Variants in CLDN16 observed in about 807,000 individuals in gnomAD.
The protein encoded by CLDN16 is claudin-16.
Under a neutral mutation model 24.6 loss-of-function variants are expected in CLDN16, and 13 were observed. That is an observed-to-expected ratio of 0.53 (90% CI 0.34 to 0.84). The LOEUF (loss-of-function observed/expected upper bound fraction) is 0.84, where lower values mean the gene tolerates loss of function less well. Among genes scored for constraint, CLDN16 ranks in the 40% least tolerant of loss-of-function variants. The pLI, the probability that CLDN16 is intolerant of heterozygous loss-of-function variation, is 0.01. For synonymous variants in CLDN16, 116 were observed against 106.7 expected (o/e 1.09, Z -0.54); for missense variants, 298 against 292.7 (o/e 1.02, Z -0.13).
chr3:190,295,453 C>T, the CLDN16 span, among the ~76,000 whole-genome samples: 2 of 152,264 alleles, frequency 1.3e-5, no homozygotes, highest in East Asian at 3.9e-4. Context: ...CGGAGTTGGA[C>T]TCCCTCACAG....
chr3:190,358,901 A>G (rs1717831805), intron 1 of CLDN16, among the ~76,000 whole-genome samples: 1 of 152,164 alleles, frequency 6.6e-6, no homozygotes. Flanking sequence ...TTCCTAAATA[A>G]GAGGCCTTAT....
intron 1 of CLDN16, among the ~76,000 whole-genome samples, chr3:190,359,129 G>T (rs1717836931): frequency 6.6e-6 from 1 of 151,952 alleles, no homozygotes; most frequent in African/African-American, 2.4e-5. Context: ...ATAAATTAAT[G>T]ATTGGAAAAT....
chr3:190,349,843 T>C (rs1371138939), intron 1 of CLDN16, among the ~76,000 whole-genome samples: 1 of 152,198 alleles, frequency 6.6e-6, no homozygotes, highest in African/African-American at 2.4e-5. Flanking sequence ...CAGGCAAGCC[T>C]ATCCTAGGGT....
intron 3 of CLDN16, among the ~76,000 whole-genome samples, chr3:190,375,207 C>T (rs943263439): frequency 3.3e-5 from 5 of 151,988 alleles, no homozygotes; most frequent in African/African-American, 7.2e-5. Flanking sequence ...TATATAATTC[C>T]TTAAGGTCAA....
chr3:190,410,833 A>G lies in CLDN16; in HGVS notation c.*797A>G, dbSNP rs1719258194. 1 of 152,252 alleles carries G rather than the reference A, an allele frequency of 6.6e-6. No individual in the cohort carries two copies. The highest frequency in any genetic ancestry group is 1.5e-5 in the Non-Finnish European group (1 of 68,052). 9.4% of individuals were successfully genotyped at this position (152,252 alleles called of 1,614,324 possible). ...AAACATCCAAATACTATTGTAATAT[A>G]CTATGTTAAAATTCATCAATTCAAG... On this transcript the variant is annotated 3_prime_UTR_variant, in exon 5 of 5. Coordinates refer to ENST00000264734, the MANE Select transcript of CLDN16 (RefSeq NM_006580.4).
chr3:190,399,621 C>T (rs779102332), intron 1 of CLDN16, among the ~76,000 whole-genome samples: 2 of 152,106 alleles, frequency 1.3e-5, no homozygotes, highest in African/African-American at 2.4e-5. Context: ...GTATAGTGAT[C>T]CCATTAGGGT....
chr3:190,323,836 A>G (rs1338592814), intron 1 of CLDN16, among the ~76,000 whole-genome samples: 1 of 152,182 alleles, frequency 6.6e-6, no homozygotes, highest in African/African-American at 2.4e-5. Flanking sequence ...ACAAGCAATG[A>G]AGAATGTAAG....
intron 1 of CLDN16, among the ~76,000 whole-genome samples, chr3:190,367,508 G>A (rs1162167627): frequency 1.3e-5 from 2 of 151,908 alleles, no homozygotes; most frequent in Non-Finnish European, 2.9e-5. Flanking sequence ...AATAAGGAAG[G>A]AATATATAAT....
rs374812490 is a variant in CLDN16 at position 190,404,955 on chromosome 3, G to C, written c.382+29G>C. 1.1e-5 allele frequency: 17 copies of C among 1,611,362 alleles called. 1 individual carries two copies. The Admixed American group carries it at 1.3e-4, about 13-fold the overall frequency. On this transcript the variant is annotated intron_variant, in intron 3 of 4. Coordinates refer to ENST00000264734, the MANE Select transcript of CLDN16 (RefSeq NM_006580.4). ...CCGGTCTGGCTGGACTAGCAACAGGGGTAGGGAGACTCTGCTAAGGGCTTG... is the reference window on the plus strand; with the variant it reads ...CCGGTCTGGCTGGACTAGCAACAGGCGTAGGGAGACTCTGCTAAGGGCTTG...
chr3:190,324,697 A>C (rs1577395070), intron 1 of CLDN16, among the ~76,000 whole-genome samples: 1 of 152,038 alleles, frequency 6.6e-6, no homozygotes, highest in East Asian at 1.9e-4. Context: ...CACTACCCAC[A>C]ACCATGTTTG....
chr3:190,331,046 A>G (rs945636769), intron 1 of CLDN16, among the ~76,000 whole-genome samples: 1 of 152,192 alleles, frequency 6.6e-6, no homozygotes, highest in Admixed American at 6.5e-5. Context: ...ACAGAGTGCA[A>G]CATTGCAAAA....
chr3:190,316,074 G>A, the CLDN16 span, among the ~76,000 whole-genome samples: 1 of 152,116 alleles, frequency 6.6e-6, no homozygotes, highest in African/African-American at 2.4e-5. Flanking sequence ...AGGGGCTGGG[G>A]ACTGATATTC....
At chr3:190,382,001 C>T (rs917378067) in intron 3 of CLDN16, among the ~76,000 whole-genome samples, 3 of 151,106 alleles carry the variant, frequency 2.0e-5, no homozygotes, top group African/African-American at 4.9e-5. Context: ...TAATAATGAC[C>T]AATTGAATGT....
the CLDN16 span, chr3:190,308,517 C>G: frequency 3.3e-3 from 4,395 of 1,319,066 alleles, 117 homozygotes; most frequent in African/African-American, 0.059. Flanking sequence ...GAAAAAAAAT[C>G]AATACTCATT....
intron 3 of CLDN16, among the ~76,000 whole-genome samples, chr3:190,376,686 A>C (rs1718255198): frequency 6.6e-6 from 1 of 151,952 alleles, no homozygotes; most frequent in Non-Finnish European, 1.5e-5. Context: ...TCACTGATCT[A>C]ATGCTGCCAT....
At chr3:190,310,102 G>A in the CLDN16 span, 1 of 1,297,638 alleles carries the variant, frequency 7.7e-7, no homozygotes, top group South Asian at 1.2e-5. Context: ...GCACTAGCAG[G>A]ACTTTGTAGA....
chr3:190,310,251 G>A, the CLDN16 span: 1 of 1,612,692 alleles, frequency 6.2e-7, no homozygotes, highest in Non-Finnish European at 8.5e-7. Context: ...AAAATAGCCA[G>A]ACCTATAGAA....
upstream of CLDN16, among the ~76,000 whole-genome samples, chr3:190,320,158 A>G (rs1256392158): frequency 6.6e-6 from 1 of 152,262 alleles, no homozygotes; most frequent in East Asian, 1.9e-4. Flanking sequence ...AAAACATTTT[A>G]ACACATTATC....
chr3:190,371,501 G>A (rs1261368711), intron 2 of CLDN16, among the ~76,000 whole-genome samples: 1 of 151,904 alleles, frequency 6.6e-6, no homozygotes, highest in African/African-American at 2.4e-5. Flanking sequence ...CAATAGTCCA[G>A]GCAGAAGGAA....
Sources: allele counts gnomAD v4.1 joint callset (sites outside exome capture counted in the v4.1 genomes callset), GRCh38; gene constraint gnomAD v4.1.1; transcripts MANE v1.5; gene names NCBI Gene and HGNC (gene_info 2026-07-23, HGNC 2026-07-21).